GRIK2: variants seen among roughly 807,000 people sequenced by gnomAD.
The protein encoded by GRIK2 is glutamate receptor ionotropic, kainate 2.
A neutral mutation model predicts 100.3 loss-of-function variants in GRIK2; 32 were observed. The observed-to-expected ratio is 0.32, with a 90% CI of 0.24 to 0.43. The LOEUF (loss-of-function observed/expected upper bound fraction) is 0.43, where lower values mean the gene tolerates loss of function less well. GRIK2 is among the 20% of genes least tolerant of loss of function. The pLI is 1.00. For synonymous variants in GRIK2, 417 were observed against 389.4 expected, an observed-to-expected ratio of 1.07 and a Z score of -0.83; for missense variants, 843 against 1,114.9, an observed-to-expected ratio of 0.76 and a Z score of 3.47.
intron 7 of GRIK2, among the ~76,000 whole-genome samples, chr6:101,730,949 C>A (rs72956327): frequency 1.3e-5 from 2 of 151,828 alleles, no homozygotes; most frequent in South Asian, 2.1e-4. Context: ...TCACACACTG[C>A]GATTTACTTG....
chr6:101,734,476 C>T (rs1192079963), intron 7 of GRIK2, among the ~76,000 whole-genome samples: 1 of 152,164 alleles, frequency 6.6e-6, no homozygotes, highest in East Asian at 1.9e-4. Flanking sequence ...ACCTATAATA[C>T]ATTAGGGAGG....
chr6:101,501,813 C>T (rs1429695804), intron 2 of GRIK2, among the ~76,000 whole-genome samples: 1 of 151,952 alleles, frequency 6.6e-6, no homozygotes, highest in Admixed American at 6.6e-5. Flanking sequence ...GCTGGAGTGC[C>T]CTGGCTTGAT....
chr6:101,532,565 G>C (rs766017596), intron 2 of GRIK2, among the ~76,000 whole-genome samples: 1 of 145,780 alleles, frequency 6.9e-6, no homozygotes, highest in Non-Finnish European at 1.5e-5. Flanking sequence ...TTTTATTTGT[G>C]TCCTTAATAT....
intron 2 of GRIK2, among the ~76,000 whole-genome samples, chr6:101,526,192 C>T (rs950224662): frequency 6.6e-6 from 1 of 152,104 alleles, no homozygotes; most frequent in African/African-American, 2.4e-5. Flanking sequence ...AAGAAAAAAC[C>T]TTAATCACTG....
chr6:101,476,705 G>A (rs967045946), intron 2 of GRIK2, among the ~76,000 whole-genome samples: 3 of 152,054 alleles, frequency 2.0e-5, no homozygotes, highest in Non-Finnish European at 4.4e-5. Context: ...AACTTTTGAG[G>A]TTCATTTTGA....
At chr6:101,424,040 A>G (rs887284668) in intron 2 of GRIK2, among the ~76,000 whole-genome samples, 5 of 152,148 alleles carry the variant, frequency 3.3e-5, no homozygotes, top group African/African-American at 4.8e-5. Context: ...GATTTCTCCT[A>G]TGGAAAATAT....
chr6:101,467,086 A>G (rs926303816), intron 2 of GRIK2, among the ~76,000 whole-genome samples: 1 of 152,166 alleles, frequency 6.6e-6, no homozygotes, highest in Admixed American at 6.5e-5. Context: ...CACAAGACAT[A>G]TTTTATACCC....
chr6:101,465,145 G>A lies in GRIK2; in HGVS notation c.115+65753G>A, dbSNP rs533105267. Among the ~76,000 whole-genome samples, 14 of 152,068 alleles carry A rather than the reference G, an allele frequency of 9.2e-5. No homozygotes were observed. The South Asian group carries it at 2.9e-3, about 32-fold the overall frequency. ...TTTATTTTTAATTTATACACATAAC[G>A]GGTACAAGTATAGTTGTATTACATG... On this transcript the variant is annotated intron_variant, in intron 2 of 16. Transcript: ENST00000369134.
At chr6:101,602,795 A>G (rs919893623) in intron 2 of GRIK2, among the ~76,000 whole-genome samples, 1 of 151,694 alleles carries the variant, frequency 6.6e-6, no homozygotes, top group Non-Finnish European at 1.5e-5. Context: ...ATCAGTATAG[A>G]AAGAAACAAT....
At chr6:101,684,652 T>G (rs1482402566) in intron 6 of GRIK2, among the ~76,000 whole-genome samples, 1 of 151,834 alleles carries the variant, frequency 6.6e-6, no homozygotes, top group African/African-American at 2.4e-5. Context: ...AAAAATGTAT[T>G]TAATATAAAT....
intron 2 of GRIK2, among the ~76,000 whole-genome samples, chr6:101,571,370 G>T (rs1163619993): frequency 6.6e-6 from 1 of 151,846 alleles, no homozygotes; most frequent in African/African-American, 2.4e-5. Context: ...AAAAAAGATT[G>T]GTCATTTTCT....
At chr6:101,448,437 T>C (rs1008406236) in intron 2 of GRIK2, among the ~76,000 whole-genome samples, 2 of 151,576 alleles carry the variant, frequency 1.3e-5, no homozygotes, top group African/African-American at 4.8e-5. Flanking sequence ...CAAATTATTT[T>C]CCCAAATTTG....
intron 14 of GRIK2, among the ~76,000 whole-genome samples, chr6:101,990,492 C>T (rs1794294599): frequency 6.6e-6 from 1 of 151,514 alleles, no homozygotes. Flanking sequence ...ATGAATGAAC[C>T]TCATCACTTG....
chr6:101,702,671 G>A (rs1772979487), intron 7 of GRIK2, among the ~76,000 whole-genome samples: 1 of 151,848 alleles, frequency 6.6e-6, no homozygotes, highest in African/African-American at 2.4e-5. Context: ...TATAAACAAT[G>A]AAAGAAAACA....
At chr6:102,029,650 C>A (rs538621378) in intron 14 of GRIK2, among the ~76,000 whole-genome samples, 13 of 151,240 alleles carry the variant, frequency 8.6e-5, no homozygotes, top group African/African-American at 3.1e-4. Context: ...GGAAGTATGA[C>A]CCCATGGGTG....
chr6:102,017,825 A>G (rs1769201326), intron 14 of GRIK2, among the ~76,000 whole-genome samples: 1 of 152,174 alleles, frequency 6.6e-6, no homozygotes, highest in African/African-American at 2.4e-5. Context: ...TACTAAAACC[A>G]TGAAAGTCTC....
chr6:101,722,637 GACTGTAT>G (rs1218416094), intron 7 of GRIK2, among the ~76,000 whole-genome samples: 1 of 151,978 alleles, frequency 6.6e-6, no homozygotes, highest in Non-Finnish European at 1.5e-5. Context: ...AGTGTATCTG[GACTGTAT>G]ACAAAGAGGG....
At chr6:101,775,595 A>G (rs760521560) in intron 7 of GRIK2, among the ~76,000 whole-genome samples, 3 of 151,180 alleles carry the variant, frequency 2.0e-5, no homozygotes, top group East Asian at 1.9e-4. Context: ...GTTTATTTAT[A>G]ATAAACTATA....
intron 15 of GRIK2, among the ~76,000 whole-genome samples, chr6:102,049,928 T>C (rs1045586400): frequency 6.6e-6 from 1 of 152,146 alleles, no homozygotes; most frequent in Non-Finnish European, 1.5e-5. Context: ...TATAGGATAA[T>C]GTGATTTCAG....
Sources: allele counts gnomAD v4.1 joint callset (sites outside exome capture counted in the v4.1 genomes callset), GRCh38; gene constraint gnomAD v4.1.1; transcripts MANE v1.5; gene names NCBI Gene and HGNC (gene_info 2026-07-23, HGNC 2026-07-21).